Variants in CRYBG1 observed in about 807,000 individuals in gnomAD.
CRYBG1 encodes the protein beta/gamma crystallin domain-containing protein 1.
Under a neutral mutation model 189.2 loss-of-function variants are expected in CRYBG1, and 139 were observed. The ratio of observed to expected loss-of-function variants is 0.73; its 90% CI spans 0.64 to 0.85. The LOEUF (loss-of-function observed/expected upper bound fraction) is 0.85, where lower values mean the gene tolerates loss of function less well. CRYBG1 is among the 40% of genes least tolerant of loss of function. The pLI is 0.00. For missense variants in CRYBG1, 2,611 were observed against 2,675.8 expected, an observed-to-expected ratio of 0.98 and a Z score of 0.53; for synonymous variants, 1,023 against 1,017.1, an observed-to-expected ratio of 1.01 and a Z score of -0.11.
At position 106,374,200 on chromosome 6, in the gene CRYBG1, A is replaced by G. The variant is rs528131090; in HGVS notation, c.173+13119A>G. Among the ~76,000 whole-genome samples the G allele has an allele frequency of 5.3e-5, 8 of 152,272 alleles. 1 individual carries two copies. In the East Asian group the frequency reaches 1.2e-3, roughly 22 times the overall value. On this transcript the variant is annotated intron_variant, in intron 1 of 21. Coordinates refer to ENST00000633556, the MANE Select transcript of CRYBG1 (RefSeq NM_001371242.2). ...ATCTTCTAGAGAAGCTGCAATATTC[A>G]CCATTAAAATGATAAAAAGTTGCTA...
At chr6:106,510,197 TTGGCC>T (rs1773217391) in intron 2 of CRYBG1, among the ~76,000 whole-genome samples, 1 of 152,206 alleles carries the variant, frequency 6.6e-6, no homozygotes, top group South Asian at 2.1e-4. Flanking sequence ...AGCCGCACGT[TTGGCC>T]TGGTTTCAGA....
intron 13 of CRYBG1, among the ~76,000 whole-genome samples, chr6:106,546,216 G>C (rs1774263306): frequency 6.6e-6 from 1 of 152,244 alleles, no homozygotes; most frequent in Admixed American, 6.5e-5. Context: ...AGAGTGGGGA[G>C]ATAGATGCCA....
intron 13 of CRYBG1, among the ~76,000 whole-genome samples, chr6:106,548,527 T>C (rs1774315933): frequency 6.6e-6 from 1 of 152,150 alleles, no homozygotes; most frequent in Admixed American, 6.6e-5. Context: ...CTTCCAGGGC[T>C]GTCCTCTCTC....
chr6:106,423,694 CCTTTTTTTTT>C lies in CRYBG1; in HGVS notation c.174-27999_174-27990del, dbSNP rs1488658683. Among the ~76,000 whole-genome samples the C allele has an allele frequency of 5.6e-3, 568 of 101,230 alleles. 22 individuals are homozygous for C. The highest frequency in any genetic ancestry group is 0.023 in the African/African-American group (543 of 23,628). 66.4% of individuals were successfully genotyped at this position (101,230 alleles called of 152,430 possible). A position where few individuals can be genotyped will look rare whatever the true frequency, so the allele number is the denominator to read the frequency against. ...CCCTCCAGTCCTCAGTTCTCCCTCC[CCTTTTTTTTT>C]TTTTTTTTTTTTTTTTTTTGAGACA... On this transcript the variant is annotated intron_variant, in intron 1 of 21. Coordinates refer to ENST00000633556, the MANE Select transcript of CRYBG1 (RefSeq NM_001371242.2).
rs1773295361 is a variant in CRYBG1 at position 106,512,413 on chromosome 6, C to T, written c.1296C>T (p.Gly432=). The T allele has an allele frequency of 6.2e-7, 1 of 1,608,368 alleles. No individual in the cohort carries two copies. The highest frequency in any genetic ancestry group is 8.5e-7 in the Non-Finnish European group (1 of 1,178,184). The part of the protein sequence containing the change: ...RGSQKSTDSP[G]ADAELPESAA... ...CGCAGAAATCCACCGACTCCCCCGG[C>T]GCGGACGCCGAGCTCCCTGAGAGCG... The change falls in exon 3 of 22, where the codon GGC becomes GGT. Residue 432 remains glycine (G), a synonymous_variant. Coordinates refer to ENST00000633556, the MANE Select transcript of CRYBG1 (RefSeq NM_001371242.2).
At chr6:106,556,997 A>T (rs563024927) in intron 17 of CRYBG1, among the ~76,000 whole-genome samples, 1 of 152,332 alleles carries the variant, frequency 6.6e-6, no homozygotes, top group African/African-American at 2.4e-5. Context: ...TATGCTCACA[A>T]CACTCTGAGG....
rs1269887129 is a variant in CRYBG1 at position 106,570,428 on chromosome 6, T to G, written c.*1862T>G. 1 of 152,234 alleles carries G rather than the reference T, an allele frequency of 6.6e-6. No homozygotes were observed. Among genetic ancestry groups the G allele is most frequent in the Non-Finnish European group, 1.5e-5 (1 of 68,036 alleles). The allele number at this position is 152,234 out of a possible 1,614,324, so 9.4% of individuals were successfully genotyped here. ...GCCTGTGCTGAACTGATCTCTTAAA[T>G]AAACTTGCTTCTGGTTAACTATGTT... On this transcript the variant is annotated 3_prime_UTR_variant, in exon 22 of 22. Transcript: ENST00000633556.
At chr6:106,494,429 C>A (rs555198683) in intron 2 of CRYBG1, among the ~76,000 whole-genome samples, 66 of 152,222 alleles carry the variant, frequency 4.3e-4, no homozygotes, top group Non-Finnish European at 8.5e-4. Flanking sequence ...AATAGCATTT[C>A]AAATGCATAT....
chr6:106,487,104 C>T (rs545510115), intron 2 of CRYBG1, among the ~76,000 whole-genome samples: 8 of 151,930 alleles, frequency 5.3e-5, no homozygotes, highest in African/African-American at 1.9e-4. Flanking sequence ...GTGTGATTAC[C>T]GTGGGGTTAA....
In CRYBG1 at chr6:106,520,487, T is replaced by A. The variant is rs1773572574; in HGVS notation, c.3279T>A (p.Gly1093=). Residue 1093 remains glycine (G), a synonymous_variant, in exon 4 of 22, where the codon GGT becomes GGA. Transcript: ENST00000633556. ...CCAGCCTTTTGAACATTTCTGCTGG[T>A]AGTGATGATAGTGTATTTGATTCTT... ...SPASLLNISA[G]SDDSVFDSSS... is the part of the protein sequence containing the mutation. The A allele has an allele frequency of 6.2e-7, 1 of 1,614,002 alleles. No homozygotes were observed.
At chr6:106,548,747 TTTA>T (rs1463360546) in intron 13 of CRYBG1, among the ~76,000 whole-genome samples, 1 of 152,054 alleles carries the variant, frequency 6.6e-6, no homozygotes, top group African/African-American at 2.4e-5. Context: ...TTTTTTAAAT[TTTA>T]TTATTATTAT....
At chr6:106,378,189 G>A (rs962466581) in intron 1 of CRYBG1, among the ~76,000 whole-genome samples, 1 of 152,156 alleles carries the variant, frequency 6.6e-6, no homozygotes, top group African/African-American at 2.4e-5. Context: ...CCCTCTTCCT[G>A]TGGTCTTCCC....
At chr6:106,361,307 G>C (rs1214616039) in intron 1 of CRYBG1, among the ~76,000 whole-genome samples, 1 of 152,232 alleles carries the variant, frequency 6.6e-6, no homozygotes, top group Non-Finnish European at 1.5e-5. Flanking sequence ...AGAGGAACTT[G>C]TGCCCACGCA....
intron 3 of CRYBG1, among the ~76,000 whole-genome samples, chr6:106,513,833 G>A (rs555135399): frequency 2.0e-4 from 30 of 152,132 alleles, no homozygotes; most frequent in Non-Finnish European, 4.1e-4. Flanking sequence ...TCCTTGTGCT[G>A]CATGAAAGCA....
intron 1 of CRYBG1, among the ~76,000 whole-genome samples, chr6:106,440,458 G>A (rs933482757): frequency 6.6e-6 from 1 of 152,028 alleles, no homozygotes; most frequent in Non-Finnish European, 1.5e-5. Context: ...GTAGAGGCAG[G>A]GTTTCACTAT....
intron 1 of CRYBG1, among the ~76,000 whole-genome samples, chr6:106,422,342 TTA>T: frequency 1.5e-5 from 2 of 130,430 alleles, no homozygotes; most frequent in Admixed American, 1.7e-4. Flanking sequence ...ATTTATTTAT[TTA>T]TTTTTGAGAC....
At chr6:106,417,209 A>G (rs1771037813) in intron 1 of CRYBG1, among the ~76,000 whole-genome samples, 1 of 151,880 alleles carries the variant, frequency 6.6e-6, no homozygotes, top group Non-Finnish European at 1.5e-5. Context: ...TTTAATTTCT[A>G]TATTTAAAAA....
At chr6:106,559,146 G>T (rs927293306) in intron 18 of CRYBG1, among the ~76,000 whole-genome samples, 2 of 152,044 alleles carry the variant, frequency 1.3e-5, no homozygotes, top group Non-Finnish European at 2.9e-5. Context: ...TTTATTTAAG[G>T]TAAGGATTTT....
At chr6:106,452,706 C>G (rs1471995657) in intron 2 of CRYBG1, among the ~76,000 whole-genome samples, 2 of 152,068 alleles carry the variant, frequency 1.3e-5, no homozygotes, top group African/African-American at 4.8e-5. Context: ...AAAGTTCTGA[C>G]TTAATTATAT....
Sources: allele counts gnomAD v4.1 joint callset (sites outside exome capture counted in the v4.1 genomes callset), GRCh38; gene constraint gnomAD v4.1.1; transcripts MANE v1.5; gene names NCBI Gene and HGNC (gene_info 2026-07-23, HGNC 2026-07-21).